Variants in RAB34 observed in about 807,000 individuals in gnomAD.
RAB34 encodes ras-related protein Rab-34.
In RAB34, 33 loss-of-function variants were observed where a neutral mutation model predicts 39.0. That is an observed-to-expected ratio of 0.85 (90% confidence interval 0.64 to 1.13). The LOEUF (loss-of-function observed/expected upper bound fraction) is 1.13, where lower values mean the gene tolerates loss of function less well. RAB34 is among the 50% of genes most tolerant of loss of function. The pLI, the probability that RAB34 is intolerant of heterozygous loss-of-function variation, is 0.00. For missense variants in RAB34, 289 were observed against 326.1 expected (o/e 0.89, Z 0.88); for synonymous variants, 135 against 125.1 (o/e 1.08, Z -0.53).
chr17:28,717,782 CCCGCA>C lies in RAB34; in HGVS notation c.-521_-517del. On this transcript the variant is annotated 5_prime_UTR_variant, in exon 1 of 10. Transcript: ENST00000395245. ...GTGGGCAGGGGCGGCGCTGCCAAGG[CCCGCA>C]GGCCGCTGGAGGAGGGGGCGAGGGG... 7.5e-7 allele frequency: 1 copy of C among 1,324,858 alleles called. No homozygotes were observed. Among genetic ancestry groups the C allele is most frequent in the Admixed American group, 3.8e-5 (1 of 26,466 alleles). The allele number at this position is 1,324,858 out of a possible 1,614,324, so 82.1% of individuals were successfully genotyped here. A position where few individuals can be genotyped will look rare whatever the true frequency, so the allele number is the denominator to read the frequency against.
In RAB34 at chr17:28,716,000, T is replaced by C. The variant is rs778888217; in HGVS notation, c.205A>G (p.Ile69Val). Reference sequence around the variant, plus strand: ...GCTCCAGCACCCCCTTACCTATTAATGAGGCAAGTCTTCCCCACCGACAGG... The same window carrying C: ...GCTCCAGCACCCCCTTACCTATTAACGAGGCAAGTCTTCCCCACCGACAGG... ...GDLSVGKTCL[I>V]NRFCKDTFDK... The change falls in exon 3 of 10, where the codon ATT becomes GTT. Residue 69 changes from isoleucine to valine, a missense_variant. Ile to Val is a conservative substitution (Grantham distance 29, BLOSUM62 3). Coordinates refer to ENST00000395245, the MANE Select transcript of RAB34 (RefSeq NM_031934.6). 1.3e-5 allele frequency: 21 copies of C among 1,613,872 alleles called. No homozygotes were observed. Among genetic ancestry groups the C allele is most frequent in the Non-Finnish European group, 1.8e-5 (21 of 1,180,008 alleles).
In RAB34 at chr17:28,717,220, A is replaced by G. The variant is rs756895497; in HGVS notation, c.47T>C (p.Leu16Pro). 3.1e-6 allele frequency: 5 copies of G among 1,604,338 alleles called. No homozygotes were observed. The highest frequency in any genetic ancestry group is 4.2e-6 in the Non-Finnish European group (5 of 1,178,120). Residue 16 changes from leucine (L) to proline (P), a missense_variant, in exon 1 of 10, where the codon CTG becomes CCG. Transcript: ENST00000395245. ...PVRRDRVLAE[L>P]PQCLRKEAAL... ...CGTGGCCCCGGCGCCTACCTGGGGC[A>G]GCTCCGCCAGGACGCGATCCCTCCG...
intron 5 of RAB34, 33 bp downstream of exon 5, chr17:28,715,608 G>C: frequency 1.2e-6 from 2 of 1,614,014 alleles, no homozygotes; most frequent in Non-Finnish European, 8.5e-7. Context: ...TGCACTCTGA[G>C]ACCCACCTAC....
At chr17:28,718,184 A>T (rs770441923), upstream of RAB34, 1 of 1,608,224 alleles carries the variant, frequency 6.2e-7, no homozygotes, top group South Asian at 1.1e-5. Flanking sequence ...GCCAGGAACC[A>T]GCAGGGAGGG....
intron 2 of RAB34, chr17:28,716,602 C>G (rs539843613): frequency 3.4e-4 from 115 of 337,922 alleles, no homozygotes; most frequent in Non-Finnish European, 4.9e-4. Context: ...CAGCCAGACC[C>G]CTGCCCTGGG....
At chr17:28,717,151 C>G (rs750474146) in intron 1 of RAB34, 62 bp downstream of exon 1, 7 of 1,545,054 alleles carry the variant, frequency 4.5e-6, no homozygotes, top group East Asian at 4.7e-5. Flanking sequence ...GGTCTGGTGC[C>G]GCCTCCTCCT....
rs2033223147 is a variant in RAB34 at position 28,715,487 on chromosome 17, G to T, written c.400C>A (p.Leu134Met). The stretch of plus-strand genomic sequence containing the variant: ...TGTTCCAGAGATGCCACATCATTCA[G>T]GTTGAAGACAATGATGATGGCTGGA... ...GAQAIIIVFN[L>M]NDVASLEHTK... is the part of the protein sequence containing the mutation. Residue 134 changes from leucine to methionine, a missense_variant, in exon 6 of 10, where the codon CTG (leucine) becomes ATG (methionine). Coordinates refer to ENST00000395245, the MANE Select transcript of RAB34 (RefSeq NM_031934.6). 6.2e-7 allele frequency: 1 copy of T among 1,614,084 alleles called. No individual in the cohort carries two copies. Among genetic ancestry groups the T allele is most frequent in the South Asian group, 1.1e-5 (1 of 91,084 alleles).
At chr17:28,715,430 C>T (rs2151702358) in intron 6 of RAB34, 26 bp downstream of exon 6, 1 of 1,613,386 alleles carries the variant, frequency 6.2e-7, no homozygotes, top group East Asian at 2.2e-5. Context: ...CGGAGCCTCC[C>T]ATTATATTGC....
upstream of RAB34, chr17:28,718,338 AG>A (rs34195478): frequency 2.3e-6 from 3 of 1,330,170 alleles, no homozygotes; most frequent in South Asian, 4.1e-5. Context: ...AAGCGTGCGA[AG>A]GGGGTGCCAG....
At chr17:28,715,613 A>T in intron 5 of RAB34, 28 bp downstream of exon 5, 1 of 1,613,956 alleles carries the variant, frequency 6.2e-7, no homozygotes, top group Non-Finnish European at 8.5e-7. Flanking sequence ...TCTGAGACCC[A>T]CCTACCCCAC....
In RAB34 at chr17:28,717,834, C is replaced by A. The variant is rs906653026; in HGVS notation, c.-568G>T. 9.7e-6 allele frequency: 13 copies of A among 1,341,116 alleles called. No individual in the cohort carries two copies. Among genetic ancestry groups the A allele is most frequent in the East Asian group, 9.3e-5 (3 of 32,306 alleles). The allele number at this position is 1,341,116 out of a possible 1,614,324, so 83.1% of individuals were successfully genotyped here. ...GGGGCCCAGTCCGGCTACAGGGCCTCGAGTCCCACTCCGCTCGGGCTCCGC... is the reference window on the plus strand; with the variant it reads ...GGGGCCCAGTCCGGCTACAGGGCCTAGAGTCCCACTCCGCTCGGGCTCCGC... On this transcript the variant is annotated 5_prime_UTR_variant, in exon 1 of 10. Coordinates refer to ENST00000395245, the MANE Select transcript of RAB34 (RefSeq NM_031934.6).
At chr17:28,717,932 C>A, upstream of RAB34, 1 of 1,334,466 alleles carries the variant, frequency 7.5e-7, no homozygotes, top group Non-Finnish European at 9.6e-7. Context: ...CGGCTCCAGG[C>A]CTCGCTGCCC....
At chr17:28,718,019 C>T, upstream of RAB34, 1 of 1,338,734 alleles carries the variant, frequency 7.5e-7, no homozygotes, top group Non-Finnish European at 9.8e-7. Context: ...CACCGGGCAC[C>T]AGGACCGCCC....
intron 8 of RAB34, 37 bp from the exon 9 acceptor site, chr17:28,714,937 C>T (rs1177566937): frequency 6.2e-7 from 1 of 1,604,460 alleles, no homozygotes; most frequent in South Asian, 1.1e-5. Context: ...AGGGGCAGTG[C>T]TGGGTCTGGG....
chr17:28,715,168 G>A, intron 7 of RAB34, 27 bp downstream of exon 7: 1 of 1,613,696 alleles, frequency 6.2e-7, no homozygotes, highest in South Asian at 1.1e-5. Flanking sequence ...TCACCAAGCT[G>A]GGAAGTCCCC....
upstream of RAB34, chr17:28,718,196 A>G: frequency 6.2e-7 from 1 of 1,605,894 alleles, no homozygotes; most frequent in South Asian, 1.1e-5. Flanking sequence ...CAGGGAGGGG[A>G]AAGGGGGAGA....
chr17:28,717,983 C>A (rs866660717), upstream of RAB34: 1 of 1,291,996 alleles, frequency 7.7e-7, no homozygotes, highest in Non-Finnish European at 1.0e-6. Flanking sequence ...TGCGTTGCCC[C>A]GCTCAGGCTC....
At chr17:28,715,968 C>G in intron 3 of RAB34, 25 bp downstream of exon 3, 1 of 1,613,834 alleles carries the variant, frequency 6.2e-7, no homozygotes, top group Non-Finnish European at 8.5e-7. Flanking sequence ...CCACCCTGCC[C>G]AGCTCAGCTC....
chr17:28,715,854 A>C lies in RAB34; in HGVS notation c.260T>G (p.Val87Gly). The C allele has an allele frequency of 1.2e-6, 2 of 1,613,826 alleles. No individual in the cohort carries two copies. Among genetic ancestry groups the C allele is most frequent in the Non-Finnish European group, 1.7e-6 (2 of 1,179,956 alleles). Residue 87 changes from valine to glycine, a missense_variant, in exon 4 of 10, where the codon GTG (valine) becomes GGG (glycine). Physicochemically the swap from Val to Gly is moderately radical, Grantham distance 109. Transcript: ENST00000395245. Reference sequence around the variant, plus strand: ...CTCAAATCGTTCCATCTCGAAGTCCACTCCAATGGTGGCCTTGTAATTCTT... The same window carrying C: ...CTCAAATCGTTCCATCTCGAAGTCCCCTCCAATGGTGGCCTTGTAATTCTT... ...FDKNYKATIG[V>G]DFEMERFEVL...
Sources: allele counts gnomAD v4.1 joint callset, GRCh38; gene constraint gnomAD v4.1.1; transcripts MANE v1.5; gene names NCBI Gene and HGNC (gene_info 2026-07-23, HGNC 2026-07-21).